The following RIMBP2 variants were observed in gnomAD, a reference collection of about 807,000 sequenced individuals.
RIMBP2 encodes RIMS binding protein 2.
RIMBP2 carries 48 observed loss-of-function variants against 118.6 expected under a neutral mutation model. The observed-to-expected ratio is 0.40, with a 90% CI of 0.32 to 0.51. RIMBP2 has a LOEUF of 0.51. RIMBP2 is among the 20% of genes least tolerant of loss of function. RIMBP2 has a pLI of 0.41. For missense variants in RIMBP2, 1,551 were observed against 1,768.3 expected (o/e 0.88, Z 2.20); for synonymous variants, 762 against 742.9 (o/e 1.03, Z -0.42).
intron 1 of RIMBP2, among the ~76,000 whole-genome samples, chr12:130,661,529 C>T (rs2063662716): frequency 6.6e-6 from 1 of 152,172 alleles, no homozygotes; most frequent in Non-Finnish European, 1.5e-5. Flanking sequence ...TTTGCACAAA[C>T]TAAAAAGAGG....
rs893693591 is a variant in RIMBP2 at position 130,446,025 on chromosome 12, C to CCA, written c.582-757_582-756insTG. Among the ~76,000 whole-genome samples the CCA allele has an allele frequency of 3.3e-5, 5 of 149,888 alleles. No homozygotes were observed. In the South Asian group the frequency reaches 8.5e-4, roughly 25 times the overall value. On this transcript the variant is annotated intron_variant, in intron 9 of 22. Coordinates refer to ENST00000690449, the MANE Select transcript of RIMBP2 (RefSeq NM_001393629.1). The surrounding 1 kb of genome is among the most constrained non-coding windows in gnomAD (Gnocchi z 4.1). ...CAGACGCATGATTTTATGCTCCCCC[C>CCA]CCCCACACCCCCAGGAATATAAGAG...
chr12:130,614,733 GT>G (rs2060792874), intron 2 of RIMBP2, among the ~76,000 whole-genome samples: 2 of 152,056 alleles, frequency 1.3e-5, no homozygotes, highest in South Asian at 4.2e-4. Context: ...TGGTGTATCC[GT>G]GCCACAGACT....
intron 9 of RIMBP2, among the ~76,000 whole-genome samples, chr12:130,448,563 C>T (rs867455058): frequency 2.0e-5 from 3 of 152,342 alleles, no homozygotes; most frequent in African/African-American, 4.8e-5. Context: ...TGAATGGCTG[C>T]GCCTGGGCCT....
At chr12:130,697,063 G>A (rs990468180) in intron 1 of RIMBP2, among the ~76,000 whole-genome samples, 7 of 152,192 alleles carry the variant, frequency 4.6e-5, no homozygotes, top group South Asian at 2.1e-4. Flanking sequence ...AAGTGCCTCC[G>A]AAGGGTGTCA....
At chr12:130,551,257 T>A (rs958494629) in intron 2 of RIMBP2, among the ~76,000 whole-genome samples, 1 of 152,146 alleles carries the variant, frequency 6.6e-6, no homozygotes, top group Non-Finnish European at 1.5e-5. Flanking sequence ...TGGCCAGTCA[T>A]GATGGTAGAG....
At chr12:130,439,278 ATTGT>A (rs1194516630) in intron 11 of RIMBP2, among the ~76,000 whole-genome samples, 2 of 151,672 alleles carry the variant, frequency 1.3e-5, no homozygotes, top group Non-Finnish European at 2.9e-5. Flanking sequence ...GTGTATGTAC[ATTGT>A]GTGTGTATAT....
Position 130,662,899 on chromosome 12 carries a change from T to C in RIMBP2, c.-351-34443A>G, listed in dbSNP as rs542198147. ...TGAGCCCAGAAGGTTGGAGCTTCAG[T>C]GAGCTATGATCATGCCACTACACTC... On this transcript the variant is annotated intron_variant, in intron 1 of 22. Transcript: ENST00000690449. Among the ~76,000 whole-genome samples the C allele has an allele frequency of 2.6e-5, 4 of 152,182 alleles. No homozygotes were observed. The South Asian group carries it at 6.2e-4, about 24-fold the overall frequency.
chr12:130,664,433 ATGCACG>A lies in RIMBP2; in HGVS notation c.-351-35983_-351-35978del, dbSNP rs1306046022. 3.5e-3 allele frequency among the ~76,000 whole-genome samples: 270 copies of A among 77,182 alleles called. 10 individuals are homozygous for A. The highest frequency in any genetic ancestry group is 0.011 in the Middle Eastern group (2 of 176). 50.6% of individuals were successfully genotyped at this position (77,182 alleles called of 152,430 possible). On this transcript the variant is annotated intron_variant, in intron 1 of 22. Transcript: ENST00000690449. The stretch of plus-strand genomic sequence containing the variant: ...CACGCACACACACGCACACACATGC[ATGCACG>A]CACACACGCACACACATGCACGCAC...
intron 6 of RIMBP2, among the ~76,000 whole-genome samples, chr12:130,467,163 A>G (rs2080557079): frequency 6.6e-6 from 1 of 152,260 alleles, no homozygotes. Flanking sequence ...AGAAGATAAC[A>G]GCCCTTTCCC....
chr12:130,574,589 C>T lies in RIMBP2; in HGVS notation c.-217+53733G>A, dbSNP rs957172057. Among the ~76,000 whole-genome samples the T allele has an allele frequency of 5.9e-5, 9 of 152,286 alleles. No homozygotes were observed. The South Asian group carries it at 1.9e-3, about 32-fold the overall frequency. ...GAACCTGGTAGGCCGCAGGCAGCTT[C>T]CCCTTTCTGGTCTGAGGTCTCACAA... On this transcript the variant is annotated intron_variant, in intron 2 of 22. Transcript: ENST00000690449.
intron 5 of RIMBP2, among the ~76,000 whole-genome samples, chr12:130,472,973 A>G (rs1240928254): frequency 1.3e-5 from 2 of 152,206 alleles, no homozygotes; most frequent in Non-Finnish European, 2.9e-5. Flanking sequence ...AGAAAAAGAG[A>G]CAAACAAGCA....
chr12:130,702,988 T>C (rs977855562), intron 1 of RIMBP2, among the ~76,000 whole-genome samples: 3 of 152,088 alleles, frequency 2.0e-5, no homozygotes, highest in Non-Finnish European at 4.4e-5. Context: ...GCTGAGACAA[T>C]GAGACTGTGA....
rs1430828709 is a variant in RIMBP2, at chr12:130,581,499, G to A, written c.-217+46823C>T. On this transcript the variant is annotated intron_variant, in intron 2 of 22. Coordinates refer to ENST00000690449, the MANE Select transcript of RIMBP2 (RefSeq NM_001393629.1). This position sits in a 1 kb window ranked among gnomAD's most constrained non-coding sequence, Gnocchi z 4.4. Reference sequence around the variant, plus strand: ...TGGAGGTCTCAGAGGCATCATAAGAGCATCCAGAATGAAGCCGAGCTCCTG... The same window carrying A: ...TGGAGGTCTCAGAGGCATCATAAGAACATCCAGAATGAAGCCGAGCTCCTG... 6.6e-6 allele frequency among the ~76,000 whole-genome samples: 1 copy of A among 152,176 alleles called. No individual in the cohort carries two copies. Among genetic ancestry groups the A allele is most frequent in the African/African-American group, 2.4e-5 (1 of 41,436 alleles).
In RIMBP2 at chr12:130,554,480, C is replaced by T. The variant is rs543522807; in HGVS notation, c.-216-36563G>A. Among the ~76,000 whole-genome samples the T allele has an allele frequency of 1.1e-4, 16 of 152,252 alleles. No individual in the cohort carries two copies. The South Asian group carries it at 2.7e-3, about 26-fold the overall frequency. On this transcript the variant is annotated intron_variant, in intron 2 of 22. Transcript: ENST00000690449. ...GTGGTTATGAAATGGATACAATATA[C>T]GGCCCTCATAAAGTGACCCTACTAA...
intron 1 of RIMBP2, among the ~76,000 whole-genome samples, chr12:130,668,893 T>TGAGCC (rs2064071894): frequency 6.6e-6 from 1 of 152,238 alleles, no homozygotes; most frequent in Non-Finnish European, 1.5e-5. Context: ...TAAGCCAAGT[T>TGAGCC]GAGCCAAGCC....
chr12:130,563,425 G>A (rs1394128157), intron 2 of RIMBP2, among the ~76,000 whole-genome samples: 4 of 152,218 alleles, frequency 2.6e-5, no homozygotes, highest in Non-Finnish European at 5.9e-5. Context: ...CAATGGGGTT[G>A]AATTTCTAGA....
Position 130,523,848 on chromosome 12 carries a change from G to T in RIMBP2, c.-216-5931C>A, listed in dbSNP as rs530476423. On this transcript the variant is annotated intron_variant, in intron 2 of 22. Transcript: ENST00000690449. This position sits in a 1 kb window ranked among gnomAD's most constrained non-coding sequence, Gnocchi z 4.4. ...CAGTTGCTATGGGGAGAGGTGAGAG[G>T]AATTCTCGGTATCTCCTGATACAGG... 2.0e-5 allele frequency among the ~76,000 whole-genome samples: 3 copies of T among 152,160 alleles called. No homozygotes were observed. Among genetic ancestry groups the T allele is most frequent in the African/African-American group, 4.8e-5 (2 of 41,440 alleles).
Position 130,638,462 on chromosome 12 carries a change from C to T in RIMBP2, c.-351-10006G>A, listed in dbSNP as rs183658141. ...GCTAGTAAAGGTAGCCTGTTAGGAA[C>T]GAGGCCGCACAGCAGGAGGTGAATG... On this transcript the variant is annotated intron_variant, in intron 1 of 22. Coordinates refer to ENST00000690449, the MANE Select transcript of RIMBP2 (RefSeq NM_001393629.1). 6.7e-3 allele frequency among the ~76,000 whole-genome samples: 1,021 copies of T among 152,310 alleles called. 4 individuals carry two copies. Among genetic ancestry groups the T allele is most frequent in the Admixed American group, 0.018 (269 of 15,302 alleles).
At chr12:130,618,209 T>C (rs1254445090) in intron 2 of RIMBP2, among the ~76,000 whole-genome samples, 1 of 152,176 alleles carries the variant, frequency 6.6e-6, no homozygotes, top group East Asian at 1.9e-4. Flanking sequence ...TAAATAATCA[T>C]TCATACTGCA....
Sources: gnomAD v4.1 joint callset for allele counts (sites outside exome capture counted in the v4.1 genomes callset) on GRCh38, gnomAD v4.1.1 for gene constraint, Gnocchi (gnomAD v3.1) non-coding constraint, MANE v1.5 for transcripts, NCBI Gene and HGNC (gene_info 2026-07-23, HGNC 2026-07-21) for gene names.